PCDH15: variants seen among roughly 807,000 people sequenced by gnomAD.
PCDH15 encodes the protein protocadherin related 15.
Under a neutral mutation model 178.5 loss-of-function variants are expected in PCDH15, and 129 were observed. That is an observed-to-expected ratio of 0.72 (90% CI 0.63 to 0.84). PCDH15 has a LOEUF of 0.84. Ranked by LOEUF, PCDH15 falls within the 40% of genes least tolerant of loss-of-function variation. The probability of loss-of-function intolerance (pLI) is 0.00; values close to 1 mark genes in which losing one functional copy is unlikely to be tolerated. For synonymous variants in PCDH15, 800 were observed against 732.0 expected (o/e 1.09, Z -1.50); for missense variants, 2,230 against 2,099.9 (o/e 1.06, Z -1.21).
intron 3 of PCDH15, among the ~76,000 whole-genome samples, chr10:54,446,017 T>A (rs1439859568): frequency 6.6e-6 from 1 of 151,232 alleles, no homozygotes; most frequent in Non-Finnish European, 1.5e-5. Flanking sequence ...TTTTTTTAAG[T>A]TCTTGTCCCC....
chr10:54,972,632 G>A (rs1004942866), intron 2 of PCDH15, among the ~76,000 whole-genome samples: 6 of 151,842 alleles, frequency 4.0e-5, no homozygotes, highest in South Asian at 2.1e-4. Context: ...GGCATATCAC[G>A]AGGTCAGGAG....
At chr10:54,637,565 GA>G (rs1441806473) in intron 2 of PCDH15, among the ~76,000 whole-genome samples, 2 of 151,956 alleles carry the variant, frequency 1.3e-5, no homozygotes, top group African/African-American at 4.8e-5. Flanking sequence ...ATTTCCCTCA[GA>G]CTTTGAGCTT....
chr10:54,305,981 G>T (rs1453923431), intron 8 of PCDH15, among the ~76,000 whole-genome samples: 1 of 151,984 alleles, frequency 6.6e-6, no homozygotes, highest in Non-Finnish European at 1.5e-5. Context: ...GACCTTACAG[G>T]TCATGGTAGA....
intron 1 of PCDH15, among the ~76,000 whole-genome samples, chr10:54,711,331 G>A (rs2095426326): frequency 6.6e-6 from 1 of 151,968 alleles, no homozygotes; most frequent in South Asian, 2.1e-4. Flanking sequence ...TCTTTTGAAT[G>A]CTGATAATGT....
intron 3 of PCDH15, among the ~76,000 whole-genome samples, chr10:54,507,471 T>C (rs1565452577): frequency 6.6e-6 from 1 of 151,828 alleles, no homozygotes. Flanking sequence ...AAACTATGCT[T>C]CCTTCAGCTA....
intron 8 of PCDH15, among the ~76,000 whole-genome samples, chr10:54,264,550 C>CTA (rs2057544297): frequency 6.6e-6 from 1 of 152,006 alleles, no homozygotes; most frequent in Admixed American, 6.6e-5. Flanking sequence ...GACAACATAG[C>CTA]TATATTAAGA....
intron 18 of PCDH15, among the ~76,000 whole-genome samples, chr10:54,061,958 C>A (rs2094023769): frequency 6.6e-6 from 1 of 152,036 alleles, no homozygotes; most frequent in African/African-American, 2.4e-5. Flanking sequence ...GGTGTGGTGG[C>A]TCAGGCCTGT....
intron 1 of PCDH15, among the ~76,000 whole-genome samples, chr10:55,287,134 T>G (rs1842892177): frequency 6.6e-6 from 1 of 151,936 alleles, no homozygotes. Flanking sequence ...AATCAGTAAC[T>G]TCAAGTTGCC....
chr10:53,992,824 C>T (rs1401069498), intron 21 of PCDH15, among the ~76,000 whole-genome samples: 2 of 152,194 alleles, frequency 1.3e-5, no homozygotes, highest in Non-Finnish European at 2.9e-5. Context: ...GAGATCCTCT[C>T]AGCTTCAATT....
chr10:55,365,761 C>T (rs763344627), intron 2 of PCDH15, among the ~76,000 whole-genome samples: 4 of 152,092 alleles, frequency 2.6e-5, no homozygotes, highest in Non-Finnish European at 4.4e-5. Flanking sequence ...GAGGCTTCCC[C>T]AGCCATGTGG....
intron 1 of PCDH15, among the ~76,000 whole-genome samples, chr10:54,733,652 T>C (rs1943697745): frequency 6.6e-6 from 1 of 151,618 alleles, no homozygotes; most frequent in Non-Finnish European, 1.5e-5. Flanking sequence ...CAAAACATTT[T>C]GAAAAAGAAT....
intron 1 of PCDH15, among the ~76,000 whole-genome samples, chr10:55,204,181 A>G (rs1840330886): frequency 6.7e-6 from 1 of 148,852 alleles, no homozygotes; most frequent in Non-Finnish European, 1.5e-5. Flanking sequence ...TTATACTAAT[A>G]TATTTATTTT....
At chr10:54,334,739 T>TA (rs1387910097) in intron 6 of PCDH15, among the ~76,000 whole-genome samples, 3 of 151,896 alleles carry the variant, frequency 2.0e-5, no homozygotes, top group Non-Finnish European at 4.4e-5. Context: ...TCTGGTGACC[T>TA]AAAGACAGAG....
chr10:54,465,870 G>C (rs917252342), intron 3 of PCDH15, among the ~76,000 whole-genome samples: 1 of 151,938 alleles, frequency 6.6e-6, no homozygotes, highest in Non-Finnish European at 1.5e-5. Flanking sequence ...CAGTGTATAA[G>C]AGTTCTTTTT....
At chr10:54,367,782 T>C (rs747908321) in intron 5 of PCDH15, among the ~76,000 whole-genome samples, 1 of 151,760 alleles carries the variant, frequency 6.6e-6, no homozygotes, top group African/African-American at 2.4e-5. Flanking sequence ...ATTCTGCACA[T>C]GTATCCCAGA....
Position 55,383,680 on chromosome 10 carries a change from C to T in PCDH15, c.-155-217029G>A, listed in dbSNP as rs1345233600. Among the ~76,000 whole-genome samples, 4 of 152,252 alleles carry T rather than the reference C, an allele frequency of 2.6e-5. No homozygotes were observed. The East Asian group carries it at 5.8e-4, about 22-fold the overall frequency. On this transcript the variant is annotated intron_variant, in intron 2 of 5. Transcript: ENST00000613346. ...ATTAAATCTCAGTCCCTCAAGCATG[C>T]TCATAGACACTTGTAGTAGTTTTGA...
intron 2 of PCDH15, among the ~76,000 whole-genome samples, chr10:55,432,000 C>A (rs1178024435): frequency 2.6e-5 from 4 of 151,760 alleles, no homozygotes; most frequent in African/African-American, 9.7e-5. Context: ...TTTTCATGCA[C>A]ATATGTTATG....
intron 30 of PCDH15, among the ~76,000 whole-genome samples, chr10:53,829,788 T>G (rs149619394): frequency 1.3e-5 from 2 of 152,304 alleles, no homozygotes; most frequent in Admixed American, 1.3e-4. Context: ...AAGCCCTAGT[T>G]ATACTCTTGG....
At chr10:55,267,067 A>C (rs1165736064) in intron 1 of PCDH15, among the ~76,000 whole-genome samples, 2 of 152,118 alleles carry the variant, frequency 1.3e-5, no homozygotes, top group African/African-American at 4.8e-5. Flanking sequence ...TGTGAGGAGG[A>C]CAGAGGAACT....
Sources: gnomAD v4.1 joint callset for allele counts (sites outside exome capture counted in the v4.1 genomes callset) on GRCh38, gnomAD v4.1.1 for gene constraint, MANE v1.5 for transcripts, NCBI Gene and HGNC (gene_info 2026-07-23, HGNC 2026-07-21) for gene names.